Variants in IGSF10 observed in about 807,000 individuals in gnomAD.
IGSF10 encodes immunoglobulin superfamily member 10.
IGSF10 carries 126 observed loss-of-function variants against 128.2 expected under a neutral mutation model. That is an observed-to-expected ratio of 0.98 (90% CI 0.85 to 1.14). The LOEUF is 1.14. Among genes scored for constraint, IGSF10 ranks in the 50% most tolerant of loss-of-function variants. IGSF10 has a pLI of 0.00. For synonymous variants in IGSF10, 1,185 were observed against 1,146.2 expected (o/e 1.03, Z -0.68); for missense variants, 3,295 against 3,149.8 (o/e 1.05, Z -1.10).
chr3:151,439,243 T>TG (rs1337492217), intron 7 of IGSF10, among the ~76,000 whole-genome samples: 1 of 152,234 alleles, frequency 6.6e-6, no homozygotes, highest in Non-Finnish European at 1.5e-5. Context: ...TAAACTCAGT[T>TG]GCTCAGAAAA....
chr3:151,615,498 G>C, the IGSF10 span, among the ~76,000 whole-genome samples: 10 of 152,152 alleles, frequency 6.6e-5, no homozygotes, highest in Non-Finnish European at 1.0e-4. Context: ...AAATAAATTA[G>C]AGAACTCTGA....
At chr3:151,490,017 A>G in the IGSF10 span, among the ~76,000 whole-genome samples, 1 of 152,062 alleles carries the variant, frequency 6.6e-6, no homozygotes, top group Non-Finnish European at 1.5e-5. Flanking sequence ...CCAGAAAACA[A>G]ACAAAATGGC....
the IGSF10 span, among the ~76,000 whole-genome samples, chr3:151,467,074 T>C: frequency 0.56 from 84,561 of 151,944 alleles, 23,795 homozygotes; most frequent in South Asian, 0.61. Context: ...GAATCAAAAA[T>C]TAACTCCTTG....
At chr3:151,591,116 A>G in the IGSF10 span, among the ~76,000 whole-genome samples, 1 of 152,150 alleles carries the variant, frequency 6.6e-6, no homozygotes, top group East Asian at 1.9e-4. Context: ...AACATGATGC[A>G]AATGCACATT....
At chr3:151,512,579 A>C in the IGSF10 span, among the ~76,000 whole-genome samples, 1 of 152,164 alleles carries the variant, frequency 6.6e-6, no homozygotes, top group African/African-American at 2.4e-5. Context: ...AAACACATTC[A>C]AAAGCTAGCA....
chr3:151,538,481 T>C, the IGSF10 span, among the ~76,000 whole-genome samples: 2 of 152,122 alleles, frequency 1.3e-5, no homozygotes, highest in African/African-American at 4.8e-5. Context: ...CAAGTAATAG[T>C]AGAAGAAACG....
At chr3:151,494,653 G>A in the IGSF10 span, among the ~76,000 whole-genome samples, 3 of 151,984 alleles carry the variant, frequency 2.0e-5, no homozygotes, top group African/African-American at 4.8e-5. Context: ...GTACTTACAA[G>A]GTAATTATCA....
the IGSF10 span, among the ~76,000 whole-genome samples, chr3:151,546,857 G>A: frequency 3.1e-4 from 47 of 151,764 alleles, no homozygotes; most frequent in East Asian, 5.5e-3. Context: ...TGCAACCTCC[G>A]CCTCCCGGGT....
chr3:151,512,424 G>C, the IGSF10 span, among the ~76,000 whole-genome samples: 3 of 152,016 alleles, frequency 2.0e-5, no homozygotes, highest in Non-Finnish European at 4.4e-5. Context: ...CGAGAACAAA[G>C]ACACAACATA....
At chr3:151,495,621 A>T in the IGSF10 span, among the ~76,000 whole-genome samples, 1 of 152,114 alleles carries the variant, frequency 6.6e-6, no homozygotes, top group Admixed American at 6.6e-5. Flanking sequence ...CAAGCATCCC[A>T]AATGACCAAG....
the IGSF10 span, among the ~76,000 whole-genome samples, chr3:151,477,313 G>A: frequency 6.6e-6 from 1 of 152,010 alleles, no homozygotes; most frequent in Non-Finnish European, 1.5e-5. Flanking sequence ...GAAAAGTAAC[G>A]AAGTCCCAAA....
At chr3:151,495,458 A>G in the IGSF10 span, among the ~76,000 whole-genome samples, 1 of 152,184 alleles carries the variant, frequency 6.6e-6, no homozygotes, top group Non-Finnish European at 1.5e-5. Context: ...CAATAAAAAC[A>G]TGTCAAGCTT....
chr3:151,575,655 G>A, the IGSF10 span, among the ~76,000 whole-genome samples: 5 of 152,344 alleles, frequency 3.3e-5, no homozygotes, highest in East Asian at 7.7e-4. Context: ...CTAGGAAAGG[G>A]AATTCCCAGA....
At chr3:151,481,884 G>A in the IGSF10 span, among the ~76,000 whole-genome samples, 1 of 152,038 alleles carries the variant, frequency 6.6e-6, no homozygotes, top group Non-Finnish European at 1.5e-5. Context: ...TACTGTCACT[G>A]CCACAAACCC....
intron 3 of IGSF10, among the ~76,000 whole-genome samples, chr3:151,458,112 T>A (rs1352437732): frequency 1.3e-5 from 2 of 151,122 alleles, no homozygotes; most frequent in Non-Finnish European, 3.0e-5. Flanking sequence ...AAAGGATACA[T>A]ATATATATAT....
the IGSF10 span, among the ~76,000 whole-genome samples, chr3:151,569,767 G>C: frequency 1.3e-5 from 2 of 152,088 alleles, no homozygotes; most frequent in African/African-American, 4.8e-5. Context: ...AAGTTCTAGA[G>C]TACAGGTGCA....
At position 151,448,621 on chromosome 3, in the gene IGSF10, T is replaced by A. The variant is rs745710240; in HGVS notation, c.1360A>T (p.Ser454Cys). 6.2e-7 allele frequency: 1 copy of A among 1,614,130 alleles called. No individual in the cohort carries two copies. Among genetic ancestry groups the A allele is most frequent in the Non-Finnish European group, 8.5e-7 (1 of 1,180,028 alleles). ...CTTGGTAAAGTGATTTGAGCATCAC[T>A]GGAGTACTGGATCTGTAATGTACTG... ...TFSTLQIQYS[S>C]DAQITLPRAE... The change falls in exon 6 of 8, where the codon AGT becomes TGT. Residue 454 changes from serine (S) to cysteine (C), a missense_variant. By Grantham distance (112) the Ser-to-Cys change is moderately radical (BLOSUM62 -1). Transcript: ENST00000282466.
At chr3:151,457,650 C>T (rs1211408421) in intron 3 of IGSF10, among the ~76,000 whole-genome samples, 1 of 152,160 alleles carries the variant, frequency 6.6e-6, no homozygotes, top group African/African-American at 2.4e-5. Flanking sequence ...GTAAAATCAG[C>T]AGGCTTTCTG....
At chr3:151,572,114 C>T in the IGSF10 span, among the ~76,000 whole-genome samples, 2 of 152,122 alleles carry the variant, frequency 1.3e-5, no homozygotes, top group South Asian at 2.1e-4. Flanking sequence ...CTGCTGGATT[C>T]GGTTTGCCGG....
Sources: allele counts gnomAD v4.1 joint callset (sites outside exome capture counted in the v4.1 genomes callset), GRCh38; gene constraint gnomAD v4.1.1; transcripts MANE v1.5; gene names NCBI Gene and HGNC (gene_info 2026-07-23, HGNC 2026-07-21).